Variants in CACNA1D observed in about 807,000 individuals in gnomAD.
CACNA1D encodes the protein voltage-dependent L-type calcium channel subunit alpha-1D.
CACNA1D carries 55 observed loss-of-function variants against 257.1 expected under a neutral mutation model. That is an observed-to-expected ratio of 0.21 (90% CI 0.17 to 0.27). The LOEUF is 0.27. CACNA1D is among the 10% of genes least tolerant of loss of function. The probability of loss-of-function intolerance (pLI) is 1.00; values close to 1 mark genes in which losing one functional copy is unlikely to be tolerated. For missense variants in CACNA1D, 1,876 were observed against 2,784.0 expected (o/e 0.67, Z 7.34); for synonymous variants, 980 against 1,014.9 (o/e 0.97, Z 0.65).
At chr3:53,721,969 T>A (rs1031567985) in intron 11 of CACNA1D, among the ~76,000 whole-genome samples, 2 of 152,210 alleles carry the variant, frequency 1.3e-5, no homozygotes, top group African/African-American at 4.8e-5. Context: ...TGCATATGTG[T>A]GCAAGTGTAG....
chr3:53,783,344 C>A (rs988949324), intron 39 of CACNA1D, among the ~76,000 whole-genome samples: 2 of 152,186 alleles, frequency 1.3e-5, no homozygotes, highest in Non-Finnish European at 2.9e-5. Context: ...ATCGAAGCTC[C>A]CTTCCTTTGA....
rs369057869 is a variant in CACNA1D, at chr3:53,555,623, T to C, written c.483+53903T>C. On this transcript the variant is annotated intron_variant, in intron 3 of 47. Transcript: ENST00000350061. ...ACATGTCTTTTTTCTCTTCAAATCA[T>C]TCTCAATCATGGTCCATTTCTCACC... Among the ~76,000 whole-genome samples the C allele has an allele frequency of 3.3e-5, 5 of 152,152 alleles. No homozygotes were observed. The East Asian group carries it at 9.7e-4, about 29-fold the overall frequency.
intron 40 of CACNA1D, among the ~76,000 whole-genome samples, chr3:53,795,747 C>T (rs1000888357): frequency 6.6e-6 from 1 of 152,170 alleles, no homozygotes; most frequent in Non-Finnish European, 1.5e-5. Context: ...TTCCTGATTG[C>T]ACCAAGAATC....
intron 3 of CACNA1D, among the ~76,000 whole-genome samples, chr3:53,558,852 A>G (rs2092690423): frequency 6.6e-6 from 1 of 151,964 alleles, no homozygotes; most frequent in Admixed American, 6.6e-5. Flanking sequence ...GATTTCTTTG[A>G]GATAATCCTG....
chr3:53,541,483 T>C (rs2092295357), intron 3 of CACNA1D, among the ~76,000 whole-genome samples: 1 of 152,150 alleles, frequency 6.6e-6, no homozygotes, highest in Non-Finnish European at 1.5e-5. Flanking sequence ...AAATCCCCTG[T>C]CGTGTTGTGA....
At position 53,673,575 on chromosome 3, in the gene CACNA1D, A is replaced by T. The variant is rs2094346208; in HGVS notation, c.1220+449A>T. On this transcript the variant is annotated intron_variant, in intron 8 of 47. Coordinates refer to ENST00000350061, the MANE Select transcript of CACNA1D (RefSeq NM_001128840.3). The surrounding 1 kb of genome is among the most constrained non-coding windows in gnomAD (Gnocchi z 4.1). ...TCCTTATTTGCAGAAAAAAAAAAAA[A>T]AAGGGAAGGACCTAGGCCCAGTCCC... 2 of 680,430 alleles carry T rather than the reference A, an allele frequency of 2.9e-6. No homozygotes were observed. The highest frequency in any genetic ancestry group is 1.8e-5 in the African/African-American group (1 of 54,750). The allele number at this position is 680,430 out of a possible 1,614,324, so 42.1% of individuals were successfully genotyped here. A position where few individuals can be genotyped will look rare whatever the true frequency, so the allele number is the denominator to read the frequency against.
At chr3:53,631,878 G>A (rs1401719593) in intron 3 of CACNA1D, among the ~76,000 whole-genome samples, 2 of 152,180 alleles carry the variant, frequency 1.3e-5, no homozygotes, top group African/African-American at 4.8e-5. Flanking sequence ...TCAACAGTGG[G>A]CTTGAAATAT....
At chr3:53,752,233 C>G (rs1248986069) in intron 28 of CACNA1D, among the ~76,000 whole-genome samples, 1 of 152,144 alleles carries the variant, frequency 6.6e-6, no homozygotes, top group Non-Finnish European at 1.5e-5. Context: ...TGGAGATACA[C>G]AGCTGTTTCA....
intron 3 of CACNA1D, among the ~76,000 whole-genome samples, chr3:53,508,373 A>G (rs1045535316): frequency 2.0e-5 from 3 of 152,050 alleles, no homozygotes. Context: ...GGTTTGTTAC[A>G]TAGGTAAACA....
At chr3:53,523,305 G>A (rs535291517) in intron 3 of CACNA1D, among the ~76,000 whole-genome samples, 2 of 152,250 alleles carry the variant, frequency 1.3e-5, no homozygotes, top group South Asian at 4.1e-4. Context: ...AGGGCCATCT[G>A]AGCCATCAAT....
chr3:53,635,127 C>T (rs1480246341), intron 3 of CACNA1D, among the ~76,000 whole-genome samples: 2 of 152,228 alleles, frequency 1.3e-5, no homozygotes, highest in East Asian at 1.9e-4. Context: ...AACCCTCCCC[C>T]GATTTCACCT....
chr3:53,726,380 G>T (rs1454783934), intron 14 of CACNA1D, among the ~76,000 whole-genome samples: 2 of 152,216 alleles, frequency 1.3e-5, no homozygotes, highest in East Asian at 3.8e-4. Flanking sequence ...GCTCATGCCT[G>T]TAATCCCAGC....
intron 3 of CACNA1D, among the ~76,000 whole-genome samples, chr3:53,516,448 G>A (rs1226918192): frequency 6.6e-6 from 1 of 152,220 alleles, no homozygotes; most frequent in African/African-American, 2.4e-5. Context: ...CTCAGCAAGG[G>A]GCTAGTTTCT....
intron 3 of CACNA1D, among the ~76,000 whole-genome samples, chr3:53,509,749 G>A (rs906680577): frequency 2.9e-4 from 44 of 152,260 alleles, no homozygotes; most frequent in African/African-American, 9.4e-4. Context: ...GGGGCCAGGC[G>A]AGAGGCTCAT....
chr3:53,767,445 T>C (rs2095339689), intron 30 of CACNA1D, among the ~76,000 whole-genome samples: 1 of 151,768 alleles, frequency 6.6e-6, no homozygotes, highest in Non-Finnish European at 1.5e-5. Context: ...GGGCGCCTGT[T>C]ATCCCAGCTA....
intron 8 of CACNA1D, among the ~76,000 whole-genome samples, chr3:53,677,361 G>A (rs968221196): frequency 2.6e-5 from 4 of 152,218 alleles, no homozygotes; most frequent in Admixed American, 6.5e-5. Flanking sequence ...CCTGAGCCTC[G>A]GTCTCTTTGT....
At chr3:53,716,583 G>GT (rs55688562) in intron 9 of CACNA1D, among the ~76,000 whole-genome samples, 33 of 151,536 alleles carry the variant, frequency 2.2e-4, no homozygotes, top group Admixed American at 3.3e-4. Flanking sequence ...TTTTTGTCCA[G>GT]TTTTTTTTGT....
At position 53,749,287 on chromosome 3, in the gene CACNA1D, G is replaced by A. The variant is rs771879305; in HGVS notation, c.3334G>A (p.Asp1112Asn). Residue 1112 changes from aspartate (D) to asparagine (N), a missense_variant, in exon 27 of 48, where the codon GAC becomes AAC. By Grantham distance (23) the Asp-to-Asn change is conservative. Around this residue, in one of 10 missense-constraint regions of CACNA1D, gnomAD observed 271 missense variants for 425.5 expected, o/e 0.64. Transcript: ENST00000350061. ...GWPALLYKAI[D>N]SNGENIGPIY... ...CTCTAGGTTGCTGTATAAAGCCATC[G>A]ACTCGAATGGAGAGAACATCGGCCC... 6.2e-6 allele frequency: 10 copies of A among 1,613,774 alleles called. No individual in the cohort carries two copies. Among genetic ancestry groups the A allele is most frequent in the South Asian group, 5.5e-5 (5 of 91,058 alleles).
intron 3 of CACNA1D, among the ~76,000 whole-genome samples, chr3:53,553,431 T>A (rs1177217062): frequency 6.6e-6 from 1 of 152,204 alleles, no homozygotes; most frequent in Non-Finnish European, 1.5e-5. Flanking sequence ...CACAAATCCC[T>A]ACCATTCATC....
Sources: allele counts gnomAD v4.1 joint callset (sites outside exome capture counted in the v4.1 genomes callset), GRCh38; gene constraint gnomAD v4.1.1; regional missense constraint gnomAD v4.1.1; non-coding constraint Gnocchi (gnomAD v3.1); transcripts MANE v1.5; gene names NCBI Gene and HGNC (gene_info 2026-07-23, HGNC 2026-07-21).